PTCD3: variants seen among roughly 807,000 people sequenced by gnomAD.
PTCD3 encodes the protein pentatricopeptide repeat domain 3, also known as small ribosomal subunit protein mS39.
A neutral mutation model predicts 101.9 loss-of-function variants in PTCD3; 89 were observed. That is an observed-to-expected ratio of 0.87 (90% CI 0.74 to 1.04). The LOEUF (loss-of-function observed/expected upper bound fraction) is 1.04. Ranked by LOEUF, PTCD3 falls within the 50% of genes least tolerant of loss-of-function variation. The pLI is 0.00. For synonymous variants in PTCD3, 296 were observed against 278.5 expected, an observed-to-expected ratio of 1.06 and a Z score of -0.63; for missense variants, 870 against 828.2, an observed-to-expected ratio of 1.05 and a Z score of -0.62.
chr2:86,125,121 C>A (rs751488271), intron 10 of PTCD3, 39 bp downstream of exon 10: 2 of 1,607,872 alleles, frequency 1.2e-6, no homozygotes, highest in African/African-American at 2.7e-5. Context: ...TCATTTCCAC[C>A]GATCAGGGTG....
At position 86,132,394 on chromosome 2, in the gene PTCD3, T is replaced by G. The variant is rs201642425; in HGVS notation, c.1343T>G (p.Ile448Ser). The G allele has an allele frequency of 6.2e-7, 1 of 1,602,444 alleles. No individual in the cohort carries two copies. Among genetic ancestry groups the G allele is most frequent in the Admixed American group, 1.7e-5 (1 of 59,798 alleles). ...AAAACCGGAGACAACTGGAAATTCATTGGACCTGATCAACATCGTAATTTC... is the reference window on the plus strand; with the variant it reads ...AAAACCGGAGACAACTGGAAATTCAGTGGACCTGATCAACATCGTAATTTC... ...LLKTGDNWKF[I>S]GPDQHRNFYY... Residue 448 changes from isoleucine to serine, a missense_variant, in exon 17 of 24, where the codon ATT (isoleucine) becomes AGT (serine). Physicochemically the swap from Ile to Ser is moderately radical, Grantham distance 142. Coordinates refer to ENST00000254630, the MANE Select transcript of PTCD3 (RefSeq NM_017952.6).
intron 15 of PTCD3, 148 bp from the exon 16 acceptor site, chr2:86,130,930 G>A: frequency 1.4e-6 from 2 of 1,399,676 alleles, no homozygotes; most frequent in Non-Finnish European, 1.9e-6. Context: ...CCAAAATTGT[G>A]GTACATTCCT....
intron 4 of PTCD3, among the ~76,000 whole-genome samples, chr2:86,115,530 A>T (rs1200807753): frequency 6.6e-6 from 1 of 152,176 alleles, no homozygotes; most frequent in Non-Finnish European, 1.5e-5. Flanking sequence ...CTAGGTCCAA[A>T]ATAAAACACT....
chr2:86,110,150 A>C (rs766233150), intron 3 of PTCD3, among the ~76,000 whole-genome samples: 3 of 152,232 alleles, frequency 2.0e-5, no homozygotes, highest in African/African-American at 7.2e-5. Context: ...TCAATATGTT[A>C]GGAAAGTTTG....
At chr2:86,120,803 G>A (rs553802848) in intron 7 of PTCD3, among the ~76,000 whole-genome samples, 8 of 152,204 alleles carry the variant, frequency 5.3e-5, no homozygotes, top group Non-Finnish European at 1.2e-4. Context: ...GCTGAGGTGA[G>A]AGGATCACTT....
At chr2:86,123,136 C>G (rs1674322867) in intron 8 of PTCD3, among the ~76,000 whole-genome samples, 1 of 152,022 alleles carries the variant, frequency 6.6e-6, no homozygotes, top group Non-Finnish European at 1.5e-5. Flanking sequence ...GTGGCACGCG[C>G]CTGTAGTCCC....
At chr2:86,130,978 C>A in intron 15 of PTCD3, 100 bp from the exon 16 acceptor site, 1 of 1,400,106 alleles carries the variant, frequency 7.1e-7, no homozygotes, top group Non-Finnish European at 9.8e-7. Flanking sequence ...CTTTATCTTG[C>A]ATGTTACCAG....
At chr2:86,127,416 G>T (rs1490523956) in intron 13 of PTCD3, 111 bp downstream of exon 13, 1 of 1,309,470 alleles carries the variant, frequency 7.6e-7, no homozygotes, top group African/African-American at 1.5e-5. Flanking sequence ...TAATATGTTG[G>T]AAATTTTCTT....
chr2:86,116,869 G>A (rs532629480), intron 5 of PTCD3, among the ~76,000 whole-genome samples, 186 bp from the exon 6 acceptor site: 1 of 152,152 alleles, frequency 6.6e-6, no homozygotes, highest in Non-Finnish European at 1.5e-5. Context: ...TTCAAGCTGT[G>A]TATAAGATGC....
chr2:86,107,009 C>G, intron 1 of PTCD3: 1 of 409,594 alleles, frequency 2.4e-6, no homozygotes, highest in Non-Finnish European at 5.1e-6. Flanking sequence ...TGATAATAGA[C>G]AGATTTCCTC....
At chr2:86,120,866 T>C (rs1674266780) in intron 7 of PTCD3, among the ~76,000 whole-genome samples, 3 of 152,224 alleles carry the variant, frequency 2.0e-5, no homozygotes, top group Non-Finnish European at 2.9e-5. Flanking sequence ...CACTCCAGCC[T>C]GGGCGACAGA....
In PTCD3 at chr2:86,117,108, T is replaced by C; in HGVS notation, c.363T>C (p.Ile121=). 6.7e-7 allele frequency: 1 copy of C among 1,488,076 alleles called. No homozygotes were observed. Among genetic ancestry groups the C allele is most frequent in the Non-Finnish European group, 9.4e-7 (1 of 1,065,340 alleles). 92.2% of individuals were successfully genotyped at this position (1,488,076 alleles called of 1,614,324 possible). A position where few individuals can be genotyped will look rare whatever the true frequency, so the allele number is the denominator to read the frequency against. ...KSGENVAKFI[I]NSYPKYFQKD... is the part of the protein sequence containing the mutation. ...GGGAGAATGTGGCCAAGTTTATTAT[T>C]AATTCATACCCCAAATATTTTCAGA... is the stretch of plus-strand genomic sequence containing the variant. Residue 121 remains isoleucine, a synonymous_variant, in exon 6 of 24, where the codon ATT becomes ATC. Transcript: ENST00000254630.
At chr2:86,132,475 G>A in intron 17 of PTCD3, 51 bp downstream of exon 17, 1 of 1,319,160 alleles carries the variant, frequency 7.6e-7, no homozygotes, top group Non-Finnish European at 1.1e-6. Flanking sequence ...GATTCTGCAA[G>A]TGGGAGGCTG....
intron 3 of PTCD3, 184 bp downstream of exon 3, chr2:86,108,720 G>A: frequency 2.0e-6 from 1 of 508,760 alleles, no homozygotes. Context: ...AATAGTGAGT[G>A]AATGAGCAAT....
At chr2:86,135,171 G>T in intron 21 of PTCD3, 184 bp downstream of exon 21, 1 of 531,650 alleles carries the variant, frequency 1.9e-6, no homozygotes, top group Non-Finnish European at 3.2e-6. Flanking sequence ...GTTGAGATAA[G>T]GCATAGTTCT....
chr2:86,131,807 G>A (rs991567227), intron 16 of PTCD3, among the ~76,000 whole-genome samples: 2 of 152,070 alleles, frequency 1.3e-5, no homozygotes, highest in East Asian at 1.9e-4. Flanking sequence ...GGCAAAAACC[G>A]CAATTACAAA....
chr2:86,131,941 G>A (rs767752173), intron 16 of PTCD3, among the ~76,000 whole-genome samples: 1 of 152,178 alleles, frequency 6.6e-6, no homozygotes, highest in South Asian at 2.1e-4. Flanking sequence ...TACTTTCAGG[G>A]TGTTTTATTT....
intron 21 of PTCD3, among the ~76,000 whole-genome samples, 171 bp from the exon 22 acceptor site, chr2:86,136,350 T>C (rs1294272042): frequency 6.6e-6 from 1 of 152,174 alleles, no homozygotes; most frequent in East Asian, 1.9e-4. Context: ...GTGATTCTCA[T>C]GTACACACAG....
Position 86,139,501 on chromosome 2 carries a change from AC to A in PTCD3, c.*1944del, listed in dbSNP as rs1376913036. ...CAGAGCAAGACCCTGTCTTGGAGAAACCAGAATTTTGGAAGAGCAAATGGGG... is the reference window on the plus strand; with the variant it reads ...CAGAGCAAGACCCTGTCTTGGAGAAACAGAATTTTGGAAGAGCAAATGGGG... On this transcript the variant is annotated 3_prime_UTR_variant, in exon 24 of 24. Coordinates refer to ENST00000254630, the MANE Select transcript of PTCD3 (RefSeq NM_017952.6). The A allele has an allele frequency of 6.6e-6, 1 of 152,558 alleles. No individual in the cohort carries two copies. Among genetic ancestry groups the A allele is most frequent in the East Asian group, 1.9e-4 (1 of 5,190 alleles). 9.5% of individuals were successfully genotyped at this position (152,558 alleles called of 1,614,324 possible). A position where few individuals can be genotyped will look rare whatever the true frequency, so the allele number is the denominator to read the frequency against.
Sources: gnomAD v4.1 joint callset for allele counts (sites outside exome capture counted in the v4.1 genomes callset) on GRCh38, gnomAD v4.1.1 for gene constraint, MANE v1.5 for transcripts, NCBI Gene and HGNC (gene_info 2026-07-23, HGNC 2026-07-21) for gene names.